MRPL22: variants seen among roughly 807,000 people sequenced by gnomAD.
The protein encoded by MRPL22 is mitochondrial ribosomal protein L22.
In MRPL22, 27 loss-of-function variants were observed where a neutral mutation model predicts 32.4. The observed-to-expected ratio is 0.83, with a 90% CI of 0.61 to 1.15. MRPL22 has a LOEUF of 1.15. MRPL22 is among the 50% of genes most tolerant of loss of function. The pLI is 0.00. For synonymous variants in MRPL22, 86 were observed against 87.3 expected (o/e 0.99, Z 0.08); for missense variants, 239 against 260.2 (o/e 0.92, Z 0.56).
At chr5:154,947,449 G>A (rs1030289761) in intron 2 of MRPL22, among the ~76,000 whole-genome samples, 5 of 152,170 alleles carry the variant, frequency 3.3e-5, no homozygotes, top group African/African-American at 1.2e-4. Flanking sequence ...TTGATATTAG[G>A]ATAGGAGATA....
chr5:154,946,327 G>A lies in MRPL22; in HGVS notation c.78-4494G>A, dbSNP rs529711007. Among the ~76,000 whole-genome samples, 12 of 152,214 alleles carry A rather than the reference G, an allele frequency of 7.9e-5. 1 individual carries two copies. In the South Asian group the frequency reaches 2.3e-3, roughly 29 times the overall value. ...ACAGACAAAGAAACCAAGGTCCAAA[G>A]AGGTGACAAACATAGTGTACCCTAC... is the stretch of plus-strand genomic sequence containing the variant. On this transcript the variant is annotated intron_variant, in intron 2 of 6. Coordinates refer to ENST00000523037, the MANE Select transcript of MRPL22 (RefSeq NM_014180.4).
intron 5 of MRPL22, among the ~76,000 whole-genome samples, chr5:154,957,867 A>ACT (rs1764649883): frequency 6.7e-6 from 1 of 148,536 alleles, no homozygotes; most frequent in East Asian, 2.0e-4. Context: ...AATTGTGGTG[A>ACT]CTCTTTCTAG....
Position 154,941,098 on chromosome 5 carries a change from G to A in MRPL22, c.-13G>A, listed in dbSNP as rs761041445. ...GCTTGAACTCGGCGGCTTCCGTAGCGGGAGGGCGAAAGATGGCGGCGGCAG... is the reference window on the plus strand; with the variant it reads ...GCTTGAACTCGGCGGCTTCCGTAGCAGGAGGGCGAAAGATGGCGGCGGCAG... On this transcript the variant is annotated 5_prime_UTR_variant, in exon 1 of 7. Coordinates refer to ENST00000523037, the MANE Select transcript of MRPL22 (RefSeq NM_014180.4). The A allele has an allele frequency of 6.2e-7, 1 of 1,613,682 alleles. No individual in the cohort carries two copies. Among genetic ancestry groups the A allele is most frequent in the East Asian group, 2.2e-5 (1 of 44,888 alleles).
At chr5:154,956,135 C>T in intron 3 of MRPL22, 1 of 415,782 alleles carries the variant, frequency 2.4e-6, no homozygotes. Flanking sequence ...CACAAACCAG[C>T]CATTGTATAG....
chr5:154,966,078 A>C (rs1041327639), intron 6 of MRPL22, among the ~76,000 whole-genome samples: 1 of 152,178 alleles, frequency 6.6e-6, no homozygotes, highest in African/African-American at 2.4e-5. Context: ...AGCCTACAGG[A>C]CCTTGTGTAA....
At chr5:154,957,529 A>T (rs1177163165) in intron 5 of MRPL22, among the ~76,000 whole-genome samples, 1 of 151,950 alleles carries the variant, frequency 6.6e-6, no homozygotes, top group East Asian at 1.9e-4. Context: ...ATTTGTGTGT[A>T]TGTATGTGTG....
At chr5:154,965,001 T>C (rs1458934208) in intron 6 of MRPL22, among the ~76,000 whole-genome samples, 1 of 152,210 alleles carries the variant, frequency 6.6e-6, no homozygotes, top group African/African-American at 2.4e-5. Flanking sequence ...GTAATGCTGC[T>C]TTCTCTGGAA....
intron 3 of MRPL22, among the ~76,000 whole-genome samples, chr5:154,954,643 T>G (rs1023343260): frequency 1.3e-5 from 2 of 152,210 alleles, no homozygotes; most frequent in Admixed American, 6.5e-5. Context: ...TGATTAACTT[T>G]TGCCTTTCTT....
intron 2 of MRPL22, 48 bp from the exon 3 acceptor site, chr5:154,950,773 A>G: frequency 8.3e-7 from 1 of 1,198,252 alleles, no homozygotes; most frequent in Non-Finnish European, 1.2e-6. Context: ...ACTCTACAGA[A>G]AGGTCCCCTA....
At chr5:154,948,725 C>G (rs1764523705) in intron 2 of MRPL22, among the ~76,000 whole-genome samples, 1 of 152,142 alleles carries the variant, frequency 6.6e-6, no homozygotes, top group Admixed American at 6.5e-5. Context: ...TAACTTTATA[C>G]AAGTCAAATT....
chr5:154,944,672 A>G (rs1764464909), intron 2 of MRPL22, among the ~76,000 whole-genome samples: 1 of 152,166 alleles, frequency 6.6e-6, no homozygotes. Context: ...TAAAATATAG[A>G]GTATATTAGA....
At chr5:154,960,136 C>A in intron 6 of MRPL22, 87 bp downstream of exon 6, 1 of 926,106 alleles carries the variant, frequency 1.1e-6, no homozygotes, top group Non-Finnish European at 1.7e-6. Context: ...TAATATCTAA[C>A]TCCTCAGGAC....
At chr5:154,948,402 T>C (rs1246303118) in intron 2 of MRPL22, among the ~76,000 whole-genome samples, 1 of 152,270 alleles carries the variant, frequency 6.6e-6, no homozygotes, top group African/African-American at 2.4e-5. Flanking sequence ...CTCTGTAGGT[T>C]TTTTATTCAA....
intron 2 of MRPL22, among the ~76,000 whole-genome samples, chr5:154,943,390 G>A (rs376415578): frequency 4.0e-5 from 6 of 151,886 alleles, no homozygotes; most frequent in East Asian, 3.9e-4. Context: ...GGCATGAGCC[G>A]CCAGGAAACT....
chr5:154,968,549 C>G lies in MRPL22; in HGVS notation c.*1652C>G, dbSNP rs1323420722. ...GTTTAAAAATGCAAATTCCTGGGCTCTACTCTCAGACTAAGTGAATCAGAA... is the reference window on the plus strand; with the variant it reads ...GTTTAAAAATGCAAATTCCTGGGCTGTACTCTCAGACTAAGTGAATCAGAA... On this transcript the variant is annotated 3_prime_UTR_variant, in exon 7 of 7. Coordinates refer to ENST00000523037, the MANE Select transcript of MRPL22 (RefSeq NM_014180.4). 1.3e-5 allele frequency: 2 copies of G among 152,204 alleles called. No homozygotes were observed. The allele number at this position is 152,204 out of a possible 1,614,324, so 9.4% of individuals were successfully genotyped here.
chr5:154,954,346 A>G (rs970151075), intron 3 of MRPL22, among the ~76,000 whole-genome samples: 25 of 152,240 alleles, frequency 1.6e-4, no homozygotes, highest in African/African-American at 6.0e-4. Flanking sequence ...GCATTTAAAA[A>G]TAAATTGATT....
intron 6 of MRPL22, among the ~76,000 whole-genome samples, chr5:154,963,885 C>T (rs1764733435): frequency 6.6e-6 from 1 of 152,134 alleles, no homozygotes; most frequent in South Asian, 2.1e-4. Flanking sequence ...GAGGAATGCT[C>T]TTCCAGGAGA....
At chr5:154,951,882 AT>A (rs34804035) in intron 3 of MRPL22, among the ~76,000 whole-genome samples, 210 of 123,056 alleles carry the variant, frequency 1.7e-3, no homozygotes, top group Admixed American at 2.2e-3. Flanking sequence ...GAAATCACGT[AT>A]TTTTTTTTTT....
chr5:154,953,570 C>G (rs1764593613), intron 3 of MRPL22, among the ~76,000 whole-genome samples: 1 of 151,812 alleles, frequency 6.6e-6, no homozygotes, highest in African/African-American at 2.4e-5. Flanking sequence ...TTTTTCTTCA[C>G]TCCCCCAACA....
Sources: gnomAD v4.1 joint callset for allele counts (sites outside exome capture counted in the v4.1 genomes callset) on GRCh38, gnomAD v4.1.1 for gene constraint, MANE v1.5 for transcripts, NCBI Gene and HGNC (gene_info 2026-07-23, HGNC 2026-07-21) for gene names.